Variants in ACACB observed in about 807,000 individuals in gnomAD.
ACACB encodes acetyl-CoA carboxylase beta, also known as acetyl-CoA carboxylase 2.
ACACB carries 209 observed loss-of-function variants against 278.8 expected under a neutral mutation model. That is an observed-to-expected ratio of 0.75 (90% confidence interval 0.67 to 0.84). The LOEUF is 0.84. Among genes scored for constraint, ACACB ranks in the 40% least tolerant of loss-of-function variants. The pLI, the probability that ACACB is intolerant of heterozygous loss-of-function variation, is 0.00. For synonymous variants in ACACB, 1,174 were observed against 1,285.6 expected (o/e 0.91, Z 1.86); for missense variants, 2,850 against 3,269.0 (o/e 0.87, Z 3.13).
At chr12:109,212,056 G>A (rs769276521) in intron 21 of ACACB, among the ~76,000 whole-genome samples, 2 of 152,164 alleles carry the variant, frequency 1.3e-5, no homozygotes, top group East Asian at 1.9e-4. Flanking sequence ...TGATATGTGC[G>A]GAATGGTATA....
chr12:109,128,337 T>A lies in ACACB; in HGVS notation c.-9-11060T>A, dbSNP rs190127494. On this transcript the variant is annotated intron_variant, in intron 1 of 52. Coordinates refer to ENST00000338432, the MANE Select transcript of ACACB (RefSeq NM_001093.4). ...CTAATTTTTTTGGACTTTTTTTATT[T>A]TATTTTATTTTATTTTTTAGACGGA... is the stretch of plus-strand genomic sequence containing the variant. Among the ~76,000 whole-genome samples, 78 of 146,896 alleles carry A rather than the reference T, an allele frequency of 5.3e-4. 3 individuals carry two copies. In the East Asian group the frequency reaches 9.1e-3, roughly 17 times the overall value.
chr12:109,130,672 G>A (rs1013823853), intron 1 of ACACB, among the ~76,000 whole-genome samples: 1 of 152,202 alleles, frequency 6.6e-6, no homozygotes, highest in Non-Finnish European at 1.5e-5. Context: ...CAGGCCGAGT[G>A]CAGGTGAAGG....
chr12:109,209,895 A>C (rs1159290959), intron 21 of ACACB, among the ~76,000 whole-genome samples: 1 of 121,854 alleles, frequency 8.2e-6, no homozygotes, highest in Admixed American at 7.9e-5. Context: ...ATATATGTAT[A>C]TACACACATA....
At chr12:109,140,516 G>A (rs2043097394) in intron 2 of ACACB, among the ~76,000 whole-genome samples, 1 of 152,168 alleles carries the variant, frequency 6.6e-6, no homozygotes, top group Non-Finnish European at 1.5e-5. Context: ...AATTCACCAG[G>A]CATGCAGGCG....
At chr12:109,199,953 A>G (rs980398022) in intron 18 of ACACB, among the ~76,000 whole-genome samples, 2 of 149,950 alleles carry the variant, frequency 1.3e-5, no homozygotes, top group Non-Finnish European at 3.0e-5. Context: ...GATGGCGTGA[A>G]CCCAGGAGGC....
intron 11 of ACACB, among the ~76,000 whole-genome samples, chr12:109,180,719 C>T (rs1745830974): frequency 1.3e-5 from 2 of 152,022 alleles, no homozygotes; most frequent in African/African-American, 4.8e-5. Context: ...CTCACTGCAG[C>T]CTCCGCCTCC....
At chr12:109,258,631 T>A (rs558786655) in intron 46 of ACACB, among the ~76,000 whole-genome samples, 1 of 152,214 alleles carries the variant, frequency 6.6e-6, no homozygotes, top group Non-Finnish European at 1.5e-5. Context: ...CCTCTGTTGC[T>A]GTTTCTGCGC....
intron 1 of ACACB, among the ~76,000 whole-genome samples, chr12:109,128,519 A>G (rs914821434): frequency 2.6e-5 from 4 of 151,750 alleles, no homozygotes; most frequent in African/African-American, 9.7e-5. Flanking sequence ...TTGTGTTTTT[A>G]GTAGAGACGG....
At chr12:109,139,126 T>G (rs942908686) in intron 1 of ACACB, among the ~76,000 whole-genome samples, 1 of 152,176 alleles carries the variant, frequency 6.6e-6, no homozygotes, top group African/African-American at 2.4e-5. Context: ...CTTGGAATCG[T>G]ATAATATGTG....
At chr12:109,198,019 C>G (rs564210611) in intron 17 of ACACB, among the ~76,000 whole-genome samples, 31 of 152,200 alleles carry the variant, frequency 2.0e-4, no homozygotes, top group African/African-American at 7.2e-4. Context: ...CACCTCAGTC[C>G]CCCAAGTTGC....
At chr12:109,202,336 A>G (rs1380149179) in intron 19 of ACACB, among the ~76,000 whole-genome samples, 1 of 151,686 alleles carries the variant, frequency 6.6e-6, no homozygotes, top group African/African-American at 2.4e-5. Flanking sequence ...TTTTTTTGAG[A>G]CAGACTCTCG....
In ACACB at chr12:109,237,239, C is replaced by T. The variant is rs764724405; in HGVS notation, c.4521C>T (p.Asn1507=). 2 of 1,614,196 alleles carry T rather than the reference C, an allele frequency of 1.2e-6. No individual in the cohort carries two copies. Among genetic ancestry groups the T allele is most frequent in the South Asian group, 2.2e-5 (2 of 91,082 alleles). ...AFQLELNRMR[N]FDLTAVPCAN... is the part of the protein sequence containing the mutation. The stretch of plus-strand genomic sequence containing the variant: ...AGCTGGAACTTAACCGGATGCGTAA[C>T]TTCGATCTGACCGCCGTGCCCTGTG... The change falls in exon 34 of 53, where the codon AAC becomes AAT. Residue 1507 remains asparagine (N), a synonymous_variant. Coordinates refer to ENST00000338432, the MANE Select transcript of ACACB (RefSeq NM_001093.4).
intron 21 of ACACB, 58 bp downstream of exon 21, chr12:109,209,411 C>G: frequency 1.3e-6 from 2 of 1,518,574 alleles, no homozygotes; most frequent in Non-Finnish European, 1.8e-6. Context: ...GGCCGGCTCC[C>G]GGTCTGGCTC....
intron 11 of ACACB, among the ~76,000 whole-genome samples, chr12:109,181,415 A>T (rs185676741): frequency 1.3e-5 from 2 of 151,834 alleles, no homozygotes; most frequent in Admixed American, 1.3e-4. Flanking sequence ...TTTAGTAGAG[A>T]TGGGGTTTCA....
intron 49 of ACACB, chr12:109,263,443 C>G (rs2047434734): frequency 6.6e-6 from 1 of 152,180 alleles, no homozygotes; most frequent in African/African-American, 2.4e-5. Flanking sequence ...TCCCAAAGTG[C>G]TGGGATTACA....
At chr12:109,139,271 C>A in intron 1 of ACACB, 126 bp from the exon 2 acceptor site, 1 of 847,520 alleles carries the variant, frequency 1.2e-6, no homozygotes, top group Non-Finnish European at 1.8e-6. Flanking sequence ...AGAACCCCAT[C>A]TCTCCCCTCG....
At chr12:109,124,307 G>A (rs1406367506) in intron 1 of ACACB, among the ~76,000 whole-genome samples, 1 of 151,998 alleles carries the variant, frequency 6.6e-6, no homozygotes, top group East Asian at 1.9e-4. Flanking sequence ...CATTTGTCCC[G>A]TAGAATTTTC....
intron 17 of ACACB, among the ~76,000 whole-genome samples, chr12:109,197,683 G>A (rs1417088072): frequency 2.6e-5 from 4 of 152,032 alleles, no homozygotes. Flanking sequence ...TAGCACAGGG[G>A]CTTGTGAGAT....
intron 9 of ACACB, among the ~76,000 whole-genome samples, chr12:109,176,885 G>C (rs1374683677): frequency 2.0e-5 from 3 of 152,190 alleles, no homozygotes; most frequent in Non-Finnish European, 4.4e-5. Context: ...CCAAAGTGCT[G>C]GGATTACAGG....
Sources: allele counts gnomAD v4.1 joint callset (sites outside exome capture counted in the v4.1 genomes callset), GRCh38; gene constraint gnomAD v4.1.1; transcripts MANE v1.5; gene names NCBI Gene and HGNC (gene_info 2026-07-23, HGNC 2026-07-21).